PDGFRB: variants seen among roughly 807,000 people sequenced by gnomAD.
PDGFRB encodes platelet-derived growth factor receptor beta.
A neutral mutation model predicts 120.2 loss-of-function variants in PDGFRB; 42 were observed. That is an observed-to-expected ratio of 0.35 (90% confidence interval 0.27 to 0.45). The LOEUF is 0.45. PDGFRB is among the 20% of genes least tolerant of loss of function. The pLI is 1.00. For synonymous variants in PDGFRB, 586 were observed against 606.8 expected (o/e 0.97, Z 0.50); for missense variants, 1,149 against 1,476.3 (o/e 0.78, Z 3.63).
At position 150,114,080 on chromosome 5, in the gene PDGFRB, G is replaced by A. The variant is rs1219096409; in HGVS notation, c.*1683C>T. 3 of 233,550 alleles carry A rather than the reference G, an allele frequency of 1.3e-5. No homozygotes were observed. The highest frequency in any genetic ancestry group is 2.5e-5 in the Non-Finnish European group (3 of 118,022). The allele number at this position is 233,550 out of a possible 1,614,324, so 14.5% of individuals were successfully genotyped here. A position where few individuals can be genotyped will look rare whatever the true frequency, so the allele number is the denominator to read the frequency against. On this transcript the variant is annotated 3_prime_UTR_variant, in exon 23 of 23. Transcript: ENST00000261799. Reference sequence around the variant, plus strand: ...AGTAAGGTGCCAACCTGCAATGCAGGGTTGGTGCCCAGAGGGGTTGAGCTT... The same window carrying A: ...AGTAAGGTGCCAACCTGCAATGCAGAGTTGGTGCCCAGAGGGGTTGAGCTT...
rs774032065 is a variant in PDGFRB at position 150,121,304 on chromosome 5, C to A, written c.2363G>T (p.Arg788Leu). The part of the protein sequence containing the change: ...YVPSAPERTC[R>L]ATLINESPVL... The stretch of plus-strand genomic sequence containing the variant: ...TGGAGACTCGTTGATCAAAGTTGCT[C>A]GGCAGGTCCTCTCAGGGGCTAGAGG... The change falls in exon 17 of 23, where the codon CGA (arginine) becomes CTA (leucine). Residue 788 changes from arginine (R) to leucine (L), a missense_variant. Transcript: ENST00000261799. The surrounding 1 kb of genome is among the most constrained non-coding windows in gnomAD (Gnocchi z 4.1). 6.3e-7 allele frequency: 1 copy of A among 1,577,456 alleles called. No homozygotes were observed. Among genetic ancestry groups the A allele is most frequent in the South Asian group, 1.1e-5 (1 of 90,342 alleles).
rs1282879442 is a variant in PDGFRB, at chr5:150,117,683, G to T, written c.3072C>A (p.Pro1024=). Residue 1024 remains proline (P), a synonymous_variant, in exon 22 of 23, where the codon CCC becomes CCA. Coordinates refer to ENST00000261799, the MANE Select transcript of PDGFRB (RefSeq NM_002609.4). ...PNEGDNDYII[P]LPDPKPEVAD... is the part of the protein sequence containing the mutation. Reference sequence around the variant, plus strand: ...CAACCTCGGGTTTGGGGTCAGGCAGGGGGATGATATAGTCGTTGTCACCCT... The same window carrying T: ...CAACCTCGGGTTTGGGGTCAGGCAGTGGGATGATATAGTCGTTGTCACCCT... 1 of 1,613,932 alleles carries T rather than the reference G, an allele frequency of 6.2e-7. No individual in the cohort carries two copies.
rs148272095 is a variant in PDGFRB at position 150,137,044 on chromosome 5, G to C, written c.4C>G (p.Arg2Gly). M[R>G]LPGAMPALAL... ...AGAGCTGGCATCGCACCCGGAAGCC[G>C]CATGGTGTCCTGCAGAGTTAAACAG... The change falls in exon 2 of 23, where the codon CGG (arginine) becomes GGG (glycine). Residue 2 changes from arginine to glycine, a missense_variant. This residue lies in a region of PDGFRB where 879 missense variants were observed against 1,108.6 expected (regional missense o/e 0.79). Coordinates refer to ENST00000261799, the MANE Select transcript of PDGFRB (RefSeq NM_002609.4). 3 of 1,613,162 alleles carry C rather than the reference G, an allele frequency of 1.9e-6. No homozygotes were observed. The South Asian group carries it at 3.3e-5, about 18-fold the overall frequency.
intron 1 of PDGFRB, among the ~76,000 whole-genome samples, chr5:150,147,752 CA>C (rs1298522505): frequency 6.6e-6 from 1 of 152,184 alleles, no homozygotes; most frequent in Non-Finnish European, 1.5e-5. Context: ...TTCACTTAAC[CA>C]CCCCTCTGTG....
chr5:150,133,887 G>T lies in PDGFRB; in HGVS notation c.753C>A (p.Arg251=), dbSNP rs1414827811. 1 of 1,614,164 alleles carries T rather than the reference G, an allele frequency of 6.2e-7. No individual in the cohort carries two copies. Among genetic ancestry groups the T allele is most frequent in the Admixed American group, 1.7e-5 (1 of 60,030 alleles). The part of the protein sequence containing the change: ...EVVNFEWTYP[R]KESGRLVEPV... ...CTGCCTGGCCCCACATTACTTCTTT[G>T]CGGGGGTATGTCCACTCGAAGTTGA... The change falls in exon 5 of 23, where the codon CGC becomes CGA. Residue 251 remains arginine (R), a synonymous_variant. Transcript: ENST00000261799.
At chr5:150,143,037 A>G (rs1760824159) in intron 1 of PDGFRB, among the ~76,000 whole-genome samples, 1 of 152,152 alleles carries the variant, frequency 6.6e-6, no homozygotes, top group South Asian at 2.1e-4. Context: ...CCACCGAGCC[A>G]TGATGGTGTT....
intron 15 of PDGFRB, among the ~76,000 whole-genome samples, chr5:150,122,635 C>CA (rs1760174754): frequency 6.6e-6 from 1 of 152,312 alleles, no homozygotes; most frequent in African/African-American, 2.4e-5. Flanking sequence ...TTGGAAAAGA[C>CA]AAAGACTGGA....
rs756158035 is a variant in PDGFRB at position 150,125,594 on chromosome 5, A to G, written c.1675-17T>C. On this transcript the variant is annotated splice_polypyrimidine_tract_variant and intron_variant, in intron 11 of 22. Coordinates refer to ENST00000261799, the MANE Select transcript of PDGFRB (RefSeq NM_002609.4). ...ACGTGGCTTCTGGAGGACCAACCCC[A>G]GGAATTAGTTATCAGAGGGAGTCTC... 2 of 1,613,246 alleles carry G rather than the reference A, an allele frequency of 1.2e-6. No homozygotes were observed. The highest frequency in any genetic ancestry group is 1.7e-6 in the Non-Finnish European group (2 of 1,179,448).
chr5:150,126,202 C>T (rs376382709), intron 11 of PDGFRB, among the ~76,000 whole-genome samples: 39 of 152,330 alleles, frequency 2.6e-4, no homozygotes, highest in African/African-American at 9.4e-4. Context: ...CTGGAAGAAT[C>T]CTGGAGCCCA....
intron 12 of PDGFRB, 23 bp downstream of exon 12, chr5:150,125,422 A>AC: frequency 6.3e-7 from 1 of 1,597,604 alleles, no homozygotes; most frequent in Non-Finnish European, 8.6e-7. Context: ...CCACACTGCC[A>AC]CATGAGGCCT....
chr5:150,115,493 T>G lies in PDGFRB; in HGVS notation c.*270A>C. ...TCAAGCCTAACTTTCCCATTTTACA[T>G]ATGGGAAAACTGAGTTCCCTGGGGG... On this transcript the variant is annotated 3_prime_UTR_variant, in exon 23 of 23. Coordinates refer to ENST00000261799, the MANE Select transcript of PDGFRB (RefSeq NM_002609.4). 21 of 335,972 alleles carry G rather than the reference T, an allele frequency of 6.3e-5. No homozygotes were observed. Among genetic ancestry groups the G allele is most frequent in the Middle Eastern group, 7.8e-4 (1 of 1,284 alleles). The allele number at this position is 335,972 out of a possible 1,614,324, so 20.8% of individuals were successfully genotyped here.
chr5:150,148,726 T>C (rs1760991797), intron 1 of PDGFRB, among the ~76,000 whole-genome samples: 1 of 152,240 alleles, frequency 6.6e-6, no homozygotes, highest in African/African-American at 2.4e-5. Flanking sequence ...CGCACAGCAC[T>C]TGGCACATCA....
intron 1 of PDGFRB, among the ~76,000 whole-genome samples, chr5:150,141,947 TGA>T (rs139847145): frequency 1.3e-5 from 2 of 149,698 alleles, no homozygotes; most frequent in Admixed American, 1.3e-4. Flanking sequence ...AGCAGTGAGA[TGA>T]GAGAGAGAGG....
At position 150,133,875 on chromosome 5, in the gene PDGFRB, C is replaced by T. The variant is rs1760549790; in HGVS notation, c.759+6G>A. 2 of 1,614,042 alleles carry T rather than the reference C, an allele frequency of 1.2e-6. No homozygotes were observed. Among genetic ancestry groups the T allele is most frequent in the Non-Finnish European group, 1.7e-6 (2 of 1,180,020 alleles). Reference sequence around the variant, plus strand: ...CTCCTCCGACCCCTGCCTGGCCCCACATTACTTCTTTGCGGGGGTATGTCC... The same window carrying T: ...CTCCTCCGACCCCTGCCTGGCCCCATATTACTTCTTTGCGGGGGTATGTCC... On this transcript the variant is annotated splice_donor_region_variant and intron_variant, in intron 5 of 22. Coordinates refer to ENST00000261799, the MANE Select transcript of PDGFRB (RefSeq NM_002609.4).
At position 150,119,567 on chromosome 5, in the gene PDGFRB, C is replaced by T; in HGVS notation, c.2699-1G>A. On this transcript the variant is annotated splice_acceptor_variant, in intron 19 of 22. Coordinates refer to ENST00000261799, the MANE Select transcript of PDGFRB (RefSeq NM_002609.4). LOFTEE classifies it high-confidence loss of function. ...GGCAGCTCTGGGTAAGGGGTGCCACCTGTTGGGGAGCAGAGACAAGAGATA... is the reference window on the plus strand; with the variant it reads ...GGCAGCTCTGGGTAAGGGGTGCCACTTGTTGGGGAGCAGAGACAAGAGATA... The T allele has an allele frequency of 6.3e-7, 1 of 1,589,088 alleles. No individual in the cohort carries two copies. Among genetic ancestry groups the T allele is most frequent in the African/African-American group, 1.3e-5 (1 of 74,526 alleles).
chr5:150,139,652 C>T (rs957564712), intron 1 of PDGFRB, among the ~76,000 whole-genome samples: 10 of 151,946 alleles, frequency 6.6e-5, no homozygotes, highest in African/African-American at 2.4e-4. Context: ...AGTTGTTTCC[C>T]TCTCTGGGCC....
chr5:150,127,747 T>C (rs1355885151), intron 10 of PDGFRB, among the ~76,000 whole-genome samples: 2 of 148,658 alleles, frequency 1.3e-5, no homozygotes, highest in Non-Finnish European at 3.0e-5. Context: ...GGCAGGAGAA[T>C]TGTTTGAACC....
chr5:150,118,607 G>C, intron 21 of PDGFRB, 140 bp downstream of exon 21: 2 of 669,024 alleles, frequency 3.0e-6, no homozygotes, highest in South Asian at 3.4e-5. Flanking sequence ...TCCCCTCCTA[G>C]AACCAGCAGG....
Position 150,134,019 on chromosome 5 carries a change from GA to G in PDGFRB, c.632-12del. ...CGTTGATGGATGACACTGGTAGAGA[GA>G]GATTGGCTTAGGTCTGGGGAAGTCA... On this transcript the variant is annotated splice_polypyrimidine_tract_variant and intron_variant, in intron 4 of 22. Transcript: ENST00000261799. 1 of 1,613,874 alleles carries G rather than the reference GA, an allele frequency of 6.2e-7. No homozygotes were observed. Among genetic ancestry groups the G allele is most frequent in the Non-Finnish European group, 8.5e-7 (1 of 1,179,912 alleles).
Sources: gnomAD v4.1 joint callset for allele counts (sites outside exome capture counted in the v4.1 genomes callset) on GRCh38, gnomAD v4.1.1 for gene constraint, gnomAD v4.1.1 regional missense constraint, Gnocchi (gnomAD v3.1) non-coding constraint, MANE v1.5 for transcripts, NCBI Gene and HGNC (gene_info 2026-07-23, HGNC 2026-07-21) for gene names.